CCDC102B: variants seen among roughly 807,000 people sequenced by gnomAD.
CCDC102B encodes coiled-coil domain containing 102B.
CCDC102B carries 75 observed loss-of-function variants against 57.4 expected under a neutral mutation model. The ratio of observed to expected loss-of-function variants is 1.31; its 90% CI spans 1.08 to 1.58. CCDC102B has a LOEUF of 1.58. Ranked by LOEUF, CCDC102B falls within the 40% of genes most tolerant of loss-of-function variation. CCDC102B has a pLI of 0.00. For synonymous variants in CCDC102B, 206 were observed against 201.9 expected (o/e 1.02, Z -0.17); for missense variants, 636 against 582.6 (o/e 1.09, Z -0.94).
At chr18:68,951,408 T>C (rs2145196917) in intron 6 of CCDC102B, among the ~76,000 whole-genome samples, 1 of 152,276 alleles carries the variant, frequency 6.6e-6, no homozygotes, top group African/African-American at 2.4e-5. Flanking sequence ...TTGTAATGAA[T>C]AAAATATTTT....
chr18:68,857,325 A>G (rs1255984037), intron 4 of CCDC102B, among the ~76,000 whole-genome samples: 1 of 73,070 alleles, frequency 1.4e-5, no homozygotes, highest in East Asian at 3.2e-4. Context: ...TATATTATAT[A>G]TATAAAATAT....
rs142932229 is a variant in CCDC102B at position 68,716,121 on chromosome 18, CT to C, written c.-133-397del. Among the ~76,000 whole-genome samples, 1,051 of 147,352 alleles carry C rather than the reference CT, an allele frequency of 7.1e-3. 10 individuals carry two copies. Among genetic ancestry groups the C allele is most frequent in the African/African-American group, 0.024 (963 of 40,330 alleles). On this transcript the variant is annotated intron_variant, in intron 1 of 3. Coordinates refer to the CCDC102B transcript ENST00000578970. ...TTTTTCTTTCTCTTTTCCTTTTTTT[CT>C]TTTTTTTTTAAGAAAAAAGTAGACT...
chr18:69,051,078 T>C (rs2052692772), intron 7 of CCDC102B, among the ~76,000 whole-genome samples: 1 of 151,968 alleles, frequency 6.6e-6, no homozygotes, highest in Non-Finnish European at 1.5e-5. Flanking sequence ...AGAAATGGGG[T>C]CCCACTACAT....
At chr18:68,752,405 G>C (rs2033888540) in intron 2 of CCDC102B, among the ~76,000 whole-genome samples, 1 of 151,014 alleles carries the variant, frequency 6.6e-6, no homozygotes, top group African/African-American at 2.4e-5. Flanking sequence ...CCCAGTGAAG[G>C]CCAGGGAAAG....
intron 6 of CCDC102B, among the ~76,000 whole-genome samples, chr18:69,006,678 G>A (rs1439024319): frequency 6.6e-6 from 1 of 150,584 alleles, no homozygotes; most frequent in Non-Finnish European, 1.5e-5. Context: ...CCTGACCTCA[G>A]GTGATCCACC....
upstream of CCDC102B, among the ~76,000 whole-genome samples, chr18:68,797,414 C>T (rs2035668905): frequency 6.6e-6 from 1 of 151,786 alleles, no homozygotes; most frequent in Non-Finnish European, 1.5e-5. Context: ...TTTATGTGAT[C>T]TCTCGCCTCC....
chr18:68,770,274 A>G (rs957554738), intron 2 of CCDC102B, among the ~76,000 whole-genome samples: 1 of 152,258 alleles, frequency 6.6e-6, no homozygotes, highest in Non-Finnish European at 1.5e-5. Flanking sequence ...CAAGAAAAAC[A>G]AAACACCTAG....
chr18:68,725,352 G>A (rs1156698014), intron 2 of CCDC102B, among the ~76,000 whole-genome samples: 3 of 152,182 alleles, frequency 2.0e-5, no homozygotes, highest in Non-Finnish European at 1.5e-5. Flanking sequence ...CAGTTCAGTA[G>A]ATTAGAAATC....
chr18:69,051,073 T>TG (rs1323582346), intron 7 of CCDC102B, among the ~76,000 whole-genome samples: 4 of 152,010 alleles, frequency 2.6e-5, no homozygotes, highest in Non-Finnish European at 5.9e-5. Flanking sequence ...CTTTAAGAAA[T>TG]GGGGTCCCAC....
At chr18:68,886,820 C>T (rs1017404925) in intron 5 of CCDC102B, among the ~76,000 whole-genome samples, 3 of 151,936 alleles carry the variant, frequency 2.0e-5, no homozygotes, top group Non-Finnish European at 4.4e-5. Context: ...GGTGTTTATT[C>T]CATGCATCTA....
intron 6 of CCDC102B, among the ~76,000 whole-genome samples, chr18:68,966,199 G>A (rs1393733744): frequency 2.0e-5 from 3 of 152,060 alleles, no homozygotes; most frequent in Admixed American, 6.6e-5. Flanking sequence ...CCATCTTCAA[G>A]TTTATGATTC....
intron 2 of CCDC102B, among the ~76,000 whole-genome samples, chr18:68,749,394 C>T (rs1599405246): frequency 1.3e-5 from 2 of 152,062 alleles, no homozygotes; most frequent in African/African-American, 4.8e-5. Context: ...GATATTGATT[C>T]TTCCTATCCA....
At chr18:68,800,309 G>A (rs2035799372) in intron 1 of CCDC102B, among the ~76,000 whole-genome samples, 4 of 152,072 alleles carry the variant, frequency 2.6e-5, no homozygotes, top group Admixed American at 2.6e-4. Flanking sequence ...ATGGTTTGAA[G>A]TGGACACTGG....
downstream of CCDC102B, among the ~76,000 whole-genome samples, chr18:69,056,768 A>G (rs1407646717): frequency 6.6e-6 from 1 of 151,996 alleles, no homozygotes; most frequent in Admixed American, 6.6e-5. Flanking sequence ...AATTGTGCTG[A>G]AAAACACATA....
rs554067207 is a variant in CCDC102B at position 68,980,411 on chromosome 18, T to A, written c.1264-30523T>A. Among the ~76,000 whole-genome samples, 652 of 149,768 alleles carry A rather than the reference T, an allele frequency of 4.4e-3. 6 individuals are homozygous for A. Among genetic ancestry groups the A allele is most frequent in the African/African-American group, 0.015 (623 of 40,360 alleles). Reference sequence around the variant, plus strand: ...GGTCTTGGTGAAAAAAAAAAAAAAATTCTATATACAGAGCAAACTCTTTGC... The same window carrying A: ...GGTCTTGGTGAAAAAAAAAAAAAAAATCTATATACAGAGCAAACTCTTTGC... On this transcript the variant is annotated intron_variant, in intron 6 of 7. Coordinates refer to ENST00000360242, the MANE Select transcript of CCDC102B (RefSeq NM_024781.3).
At chr18:68,824,669 A>G (rs2036834335) in intron 1 of CCDC102B, among the ~76,000 whole-genome samples, 2 of 152,224 alleles carry the variant, frequency 1.3e-5, no homozygotes, top group Non-Finnish European at 2.9e-5. Context: ...ATATAGACAG[A>G]AAAATAAAAA....
intron 5 of CCDC102B, 48 bp downstream of exon 5, chr18:68,874,833 T>C (rs1358789112): frequency 8.7e-7 from 1 of 1,147,148 alleles, no homozygotes; most frequent in Non-Finnish European, 1.3e-6. Context: ...CATAACTGAC[T>C]GTTGTTAAAT....
chr18:68,772,192 T>G (rs1334040972), intron 2 of CCDC102B, among the ~76,000 whole-genome samples: 1 of 152,064 alleles, frequency 6.6e-6, no homozygotes, highest in African/African-American at 2.4e-5. Flanking sequence ...AAATTAGAAA[T>G]TGCCAGAGCC....
chr18:68,896,209 C>T (rs4891712), intron 5 of CCDC102B, among the ~76,000 whole-genome samples: 40,228 of 151,702 alleles, frequency 0.27, 6,271 homozygotes, highest in Non-Finnish European at 0.36. Context: ...TTATAGCAGA[C>T]GAATATAATT....
Sources: gnomAD v4.1 joint callset for allele counts (sites outside exome capture counted in the v4.1 genomes callset) on GRCh38, gnomAD v4.1.1 for gene constraint, MANE v1.5 for transcripts, NCBI Gene and HGNC (gene_info 2026-07-23, HGNC 2026-07-21) for gene names.